Variants in PPP6R2 observed in about 807,000 individuals in gnomAD.
PPP6R2 encodes the protein protein phosphatase 6 regulatory subunit 2.
PPP6R2 carries 62 observed loss-of-function variants against 100.2 expected under a neutral mutation model. The observed-to-expected ratio is 0.62, with a 90% CI of 0.50 to 0.76. The LOEUF (loss-of-function observed/expected upper bound fraction) is 0.76. PPP6R2 is among the 30% of genes least tolerant of loss of function. PPP6R2 has a pLI of 0.00. For synonymous variants in PPP6R2, 525 were observed against 514.7 expected (o/e 1.02, Z -0.27); for missense variants, 1,142 against 1,276.3 (o/e 0.89, Z 1.60).
At chr22:50,380,264 G>T (rs1451462250) in intron 2 of PPP6R2, among the ~76,000 whole-genome samples, 2 of 151,818 alleles carry the variant, frequency 1.3e-5, no homozygotes, top group Non-Finnish European at 2.9e-5. Context: ...GTAGAGATGG[G>T]GTTTTACCGT....
intron 4 of PPP6R2, among the ~76,000 whole-genome samples, chr22:50,410,910 G>T (rs1242062315): frequency 6.6e-6 from 1 of 152,040 alleles, no homozygotes; most frequent in Non-Finnish European, 1.5e-5. Context: ...TCCTGCCTCA[G>T]CCTCCCGCGT....
chr22:50,401,592 A>G (rs936772569), intron 3 of PPP6R2, among the ~76,000 whole-genome samples: 1 of 149,778 alleles, frequency 6.7e-6, no homozygotes, highest in Non-Finnish European at 1.5e-5. Flanking sequence ...GCTCACTGCA[A>G]GCTCTGCCTC....
chr22:50,376,624 G>A (rs567503742), intron 2 of PPP6R2, among the ~76,000 whole-genome samples: 8 of 151,926 alleles, frequency 5.3e-5, no homozygotes, highest in South Asian at 2.1e-4. Context: ...GGTTTTTGCC[G>A]TGTTGCCCAG....
intron 2 of PPP6R2, among the ~76,000 whole-genome samples, chr22:50,378,829 A>G (rs779956981): frequency 6.6e-6 from 1 of 151,318 alleles, no homozygotes; most frequent in Non-Finnish European, 1.5e-5. Flanking sequence ...GCAGTGAGCC[A>G]TGATTGCACT....
At chr22:50,369,514 G>T (rs911855466) in intron 1 of PPP6R2, among the ~76,000 whole-genome samples, 5 of 151,928 alleles carry the variant, frequency 3.3e-5, no homozygotes, top group Admixed American at 6.6e-5. Context: ...TGTGATTGTG[G>T]CTCACTGCAG....
rs113694089 is a variant in PPP6R2, at chr22:50,418,167, C to T, written c.619-700C>T. Among the ~76,000 whole-genome samples, 928 of 152,232 alleles carry T rather than the reference C, an allele frequency of 6.1e-3. 13 individuals carry two copies. Among genetic ancestry groups the T allele is most frequent in the African/African-American group, 0.021 (866 of 41,522 alleles). On this transcript the variant is annotated intron_variant, in intron 6 of 23. Transcript: ENST00000612753. Reference sequence around the variant, plus strand: ...GCCACATATTCAGCATATTTCAAAACGTGGATCACAGGTATAGCCCAGTAT... The same window carrying T: ...GCCACATATTCAGCATATTTCAAAATGTGGATCACAGGTATAGCCCAGTAT...
At chr22:50,440,700 C>T in intron 21 of PPP6R2, 122 bp from the exon 22 acceptor site, 1 of 1,139,176 alleles carries the variant, frequency 8.8e-7, no homozygotes, top group Non-Finnish European at 1.3e-6. Flanking sequence ...CACACAGGCA[C>T]ATGTGTGCAG....
chr22:50,424,417 C>T (rs1000062128), intron 10 of PPP6R2, among the ~76,000 whole-genome samples: 4 of 135,460 alleles, frequency 3.0e-5, no homozygotes, highest in Admixed American at 7.5e-5. Flanking sequence ...GTGGAAGGTC[C>T]GTCCGCGTGT....
At chr22:50,393,509 G>T in intron 2 of PPP6R2, 1 of 985,200 alleles carries the variant, frequency 1.0e-6, no homozygotes, top group Non-Finnish European at 1.2e-6. Flanking sequence ...GCATTGAGGG[G>T]CATGTCGAGC....
At position 50,438,606 on chromosome 22, in the gene PPP6R2, G is replaced by A. The variant is rs574343360; in HGVS notation, c.1972G>A (p.Ala658Thr). Residue 658 changes from alanine (A) to threonine (T), a missense_variant, in exon 19 of 24, where the codon GCC becomes ACC. Transcript: ENST00000612753. ...ARVMARPRFG[A>T]PHASESCSKN... ...ACTCTGAATCTCCCCCAGGTTTGGA[G>A]CCCCCCATGCTTCAGAGAGTTGCTC... 1 of 1,613,804 alleles carries A rather than the reference G, an allele frequency of 6.2e-7. No homozygotes were observed. Among genetic ancestry groups the A allele is most frequent in the Admixed American group, 1.7e-5 (1 of 59,986 alleles).
Position 50,422,370 on chromosome 22 carries a change from A to G in PPP6R2, c.962A>G (p.Asn321Ser). The G allele has an allele frequency of 6.2e-7, 1 of 1,613,976 alleles. No homozygotes were observed. Among genetic ancestry groups the G allele is most frequent in the Non-Finnish European group, 8.5e-7 (1 of 1,179,942 alleles). Residue 321 changes from asparagine (N) to serine (S), a missense_variant, in exon 9 of 24, where the codon AAC (asparagine) becomes AGC (serine). Physicochemically the swap from Asn to Ser is conservative, Grantham distance 46. This residue lies in a region of PPP6R2 where 592 missense variants were observed against 758.9 expected (regional missense o/e 0.78). Transcript: ENST00000612753. ...AAGGACTTCCACCAGCTCCTGCTCA[A>G]CCCGCCCAAGGTAAATGGCCGTGGC... ...RLKDFHQLLL[N>S]PPKKKAILTT... is the part of the protein sequence containing the mutation.
At position 50,436,464 on chromosome 22, in the gene PPP6R2, C is replaced by A; in HGVS notation, c.1602+12C>A. 2 of 1,574,748 alleles carry A rather than the reference C, an allele frequency of 1.3e-6. No individual in the cohort carries two copies. The highest frequency in any genetic ancestry group is 4.6e-5 in the East Asian group (2 of 43,530). On this transcript the variant is annotated intron_variant, in intron 14 of 23. Coordinates refer to ENST00000612753, the MANE Select transcript of PPP6R2 (RefSeq NM_001242898.2). ...ACACTGTGGACCTGGTGAGGAGGCT[C>A]GGGGCTGCCCCCTCGGTGCACGCAC...
chr22:50,422,866 T>C (rs1192673494), intron 9 of PPP6R2, among the ~76,000 whole-genome samples: 1 of 152,144 alleles, frequency 6.6e-6, no homozygotes, highest in East Asian at 1.9e-4. Context: ...TCAGTTCCTC[T>C]CACTCGCCAC....
At chr22:50,340,600 G>GGTGTGTGGT (rs1555946589), upstream of PPP6R2, among the ~76,000 whole-genome samples, 34,817 of 147,060 alleles carry the variant, frequency 0.24, 5,897 homozygotes, top group African/African-American at 0.48. Context: ...GTGTGTGTGT[G>GGTGTGTGGT]GTGTGTGGTG....
At position 50,440,004 on chromosome 22, in the gene PPP6R2, T is replaced by G; in HGVS notation, c.2329T>G (p.Cys777Gly). ...PRCSSPVDTE[C>G]SHAEGSRSQG... ...GTGCAGCTCTCCGGTGGACACAGAATGCAGCCATGCTGAGGGCAGCCGGAG... is the reference window on the plus strand; with the variant it reads ...GTGCAGCTCTCCGGTGGACACAGAAGGCAGCCATGCTGAGGGCAGCCGGAG... The change falls in exon 21 of 24, where the codon TGC (cysteine) becomes GGC (glycine). Residue 777 changes from cysteine (C) to glycine (G), a missense_variant. Cys to Gly is a radical substitution (Grantham distance 159). This residue lies in a region of PPP6R2 where 550 missense variants were observed against 517.4 expected (regional missense o/e 1.06). Coordinates refer to ENST00000612753, the MANE Select transcript of PPP6R2 (RefSeq NM_001242898.2). 1 of 1,613,548 alleles carries G rather than the reference T, an allele frequency of 6.2e-7. No homozygotes were observed. Among genetic ancestry groups the G allele is most frequent in the South Asian group, 1.1e-5 (1 of 91,080 alleles).
Position 50,431,351 on chromosome 22 carries a change from C to G in PPP6R2, c.1304C>G (p.Ala435Gly), listed in dbSNP as rs1314155143. ...NRSLETPQPAASLPDNTMVTH... is the reference protein window; with the variant it reads ...NRSLETPQPAGSLPDNTMVTH... ...AGCCTGGAGACTCCCCAGCCGGCCG[C>G]CAGCCTCCCTGACAACACAATGGTG... The change falls in exon 11 of 24, where the codon GCC becomes GGC. Residue 435 changes from alanine to glycine, a missense_variant. Physicochemically the swap from Ala to Gly is moderately conservative, Grantham distance 60. Coordinates refer to ENST00000612753, the MANE Select transcript of PPP6R2 (RefSeq NM_001242898.2). This position sits in a 1 kb window ranked among gnomAD's most constrained non-coding sequence, Gnocchi z 4.8. The G allele has an allele frequency of 1.2e-6, 2 of 1,612,824 alleles. No homozygotes were observed. The highest frequency in any genetic ancestry group is 1.7e-6 in the Non-Finnish European group (2 of 1,179,980).
intron 10 of PPP6R2, among the ~76,000 whole-genome samples, chr22:50,424,047 C>T (rs1326273637): frequency 2.0e-5 from 3 of 152,254 alleles, no homozygotes; most frequent in African/African-American, 4.8e-5. Flanking sequence ...CAGTGCCTCT[C>T]CATCCCGCAG....
chr22:50,424,065 G>C (rs2061674388), intron 10 of PPP6R2, among the ~76,000 whole-genome samples: 1 of 152,260 alleles, frequency 6.6e-6, no homozygotes, highest in Non-Finnish European at 1.5e-5. Context: ...CAGACGGCTT[G>C]CATGATGCTC....
intron 6 of PPP6R2, among the ~76,000 whole-genome samples, chr22:50,416,398 G>C (rs945446151): frequency 3.3e-5 from 5 of 150,702 alleles, no homozygotes; most frequent in African/African-American, 7.3e-5. Flanking sequence ...GTGCAATCTC[G>C]GCTCACCACA....
Sources: gnomAD v4.1 joint callset for allele counts (sites outside exome capture counted in the v4.1 genomes callset) on GRCh38, gnomAD v4.1.1 for gene constraint, gnomAD v4.1.1 regional missense constraint, Gnocchi (gnomAD v3.1) non-coding constraint, MANE v1.5 for transcripts, NCBI Gene and HGNC (gene_info 2026-07-23, HGNC 2026-07-21) for gene names.